The following SKIL variants were observed in gnomAD, a reference collection of about 807,000 sequenced individuals.
SKIL encodes the protein SKI like proto-oncogene.
In SKIL, 20 loss-of-function variants were observed where a neutral mutation model predicts 69.6. The ratio of observed to expected loss-of-function variants is 0.29; its 90% CI spans 0.20 to 0.42. The LOEUF (loss-of-function observed/expected upper bound fraction) is 0.42. SKIL is among the 10% of genes least tolerant of loss of function. The probability of loss-of-function intolerance (pLI) is 1.00; values close to 1 mark genes in which losing one functional copy is unlikely to be tolerated. For missense variants in SKIL, 745 were observed against 783.1 expected, an observed-to-expected ratio of 0.95 and a Z score of 0.58; for synonymous variants, 310 against 279.9, an observed-to-expected ratio of 1.11 and a Z score of -1.08.
At position 170,360,186 on chromosome 3, in the gene SKIL, T is replaced by G. The variant is rs1736152132; in HGVS notation, c.-146T>G. 1.3e-6 allele frequency: 1 copy of G among 758,734 alleles called. No individual in the cohort carries two copies. The highest frequency in any genetic ancestry group is 2.1e-6 in the Non-Finnish European group (1 of 481,774). The allele number at this position is 758,734 out of a possible 1,614,324, so 47.0% of individuals were successfully genotyped here. A position where few individuals can be genotyped will look rare whatever the true frequency, so the allele number is the denominator to read the frequency against. ...GAGAACCAAAACTAAGTCGCAAAAT[T>G]TATTAATTTAAGGGGCTCTCGCTTT... On this transcript the variant is annotated 5_prime_UTR_variant, in exon 2 of 7. It adds an upstream start codon to the 5' untranslated region. Transcript: ENST00000259119.
chr3:170,393,628 A>G lies in SKIL; in HGVS notation c.*1211A>G, dbSNP rs1339888917. The G allele has an allele frequency of 6.6e-6, 1 of 152,066 alleles. No homozygotes were observed. The highest frequency in any genetic ancestry group is 1.5e-5 in the Non-Finnish European group (1 of 67,974). 9.4% of individuals were successfully genotyped at this position (152,066 alleles called of 1,614,324 possible). ...GTCATTCTCTAATGGCAAATTTCATATTTGTTAATTCTTGGCTCAAAATAT... is the reference window on the plus strand; with the variant it reads ...GTCATTCTCTAATGGCAAATTTCATGTTTGTTAATTCTTGGCTCAAAATAT... On this transcript the variant is annotated 3_prime_UTR_variant, in exon 7 of 7. Transcript: ENST00000259119.
chr3:170,387,763 A>AAAAAAAAAAC (rs1475902825), intron 4 of SKIL, among the ~76,000 whole-genome samples: 1 of 131,076 alleles, frequency 7.6e-6, no homozygotes, highest in Admixed American at 8.1e-5. Flanking sequence ...CTCTACTAAA[A>AAAAAAAAAAC]AAAAAAAAAA....
At chr3:170,357,785 GCGA>G (rs1736005072) in intron 1 of SKIL, 22 bp downstream of exon 1, 1 of 162,350 alleles carries the variant, frequency 6.2e-6, no homozygotes, top group Non-Finnish European at 1.3e-5. Flanking sequence ...GCTTACGGCG[GCGA>G]CGCGGCGGAG....
At chr3:170,377,489 T>C (rs1737089020) in intron 2 of SKIL, among the ~76,000 whole-genome samples, 1 of 151,200 alleles carries the variant, frequency 6.6e-6, no homozygotes, top group Non-Finnish European at 1.5e-5. Flanking sequence ...TATTAATTTT[T>C]TTCTTATAAT....
intron 2 of SKIL, among the ~76,000 whole-genome samples, chr3:170,372,599 C>G (rs114231677): frequency 2.4e-3 from 362 of 152,258 alleles, no homozygotes; most frequent in African/African-American, 8.4e-3. Flanking sequence ...TTAAGGAAAC[C>G]TGATAGTGTA....
rs183931478 is a variant in SKIL at position 170,395,720 on chromosome 3, T to G, written c.*3303T>G. 6.6e-6 allele frequency: 1 copy of G among 152,238 alleles called. No homozygotes were observed. The highest frequency in any genetic ancestry group is 6.5e-5 in the Admixed American group (1 of 15,292). 9.4% of individuals were successfully genotyped at this position (152,238 alleles called of 1,614,324 possible). ...ATATGTTTTGATTACTTAGGGAAGATTCCTCATTTTTATTTGCCCTTTATG... is the reference window on the plus strand; with the variant it reads ...ATATGTTTTGATTACTTAGGGAAGAGTCCTCATTTTTATTTGCCCTTTATG... On this transcript the variant is annotated 3_prime_UTR_variant, in exon 7 of 7. Transcript: ENST00000259119.
In SKIL at chr3:170,395,187, C is replaced by T. The variant is rs1387067392; in HGVS notation, c.*2770C>T. On this transcript the variant is annotated 3_prime_UTR_variant, in exon 7 of 7. Coordinates refer to ENST00000259119, the MANE Select transcript of SKIL (RefSeq NM_005414.5). ...ACTTTATGAGAAAAGTGTACCTACT[C>T]TATAAAGGTAATAAATGTAAAACCT... is the stretch of plus-strand genomic sequence containing the variant. The T allele has an allele frequency of 6.6e-6, 1 of 152,048 alleles. No individual in the cohort carries two copies. The highest frequency in any genetic ancestry group is 2.4e-5 in the African/African-American group (1 of 41,380). 9.4% of individuals were successfully genotyped at this position (152,048 alleles called of 1,614,324 possible).
intron 4 of SKIL, among the ~76,000 whole-genome samples, chr3:170,389,942 A>C (rs2108225707): frequency 6.6e-6 from 1 of 152,322 alleles, no homozygotes; most frequent in East Asian, 1.9e-4. Flanking sequence ...TTGCACTGAT[A>C]AGTAGATCAA....
In SKIL at chr3:170,393,267, A is replaced by G. The variant is rs1035743570; in HGVS notation, c.*850A>G. On this transcript the variant is annotated 3_prime_UTR_variant, in exon 7 of 7. Coordinates refer to ENST00000259119, the MANE Select transcript of SKIL (RefSeq NM_005414.5). ...TCTATACAATCCATAATCCTCCTGT[A>G]CAGTTTTTACATGTAGTTATGAGTC... 4 of 152,178 alleles carry G rather than the reference A, an allele frequency of 2.6e-5. No individual in the cohort carries two copies. Among genetic ancestry groups the G allele is most frequent in the African/African-American group, 9.6e-5 (4 of 41,452 alleles). 9.4% of individuals were successfully genotyped at this position (152,178 alleles called of 1,614,324 possible). A position where few individuals can be genotyped will look rare whatever the true frequency, so the allele number is the denominator to read the frequency against.
At chr3:170,378,457 T>G (rs575657707) in intron 2 of SKIL, among the ~76,000 whole-genome samples, 1 of 152,198 alleles carries the variant, frequency 6.6e-6, no homozygotes, top group East Asian at 1.9e-4. Flanking sequence ...CAGTCCTTAG[T>G]TTCTTGGTTC....
chr3:170,382,910 G>T (rs1463870103), intron 3 of SKIL, among the ~76,000 whole-genome samples: 1 of 151,716 alleles, frequency 6.6e-6, no homozygotes, highest in African/African-American at 2.4e-5. Flanking sequence ...GAAGAGACGA[G>T]GTTTCACCAT....
rs548907545 is a variant in SKIL, at chr3:170,360,179, G to T, written c.-153G>T. 5.6e-6 allele frequency: 4 copies of T among 716,974 alleles called. No homozygotes were observed. The highest frequency in any genetic ancestry group is 3.2e-5 in the Admixed American group (1 of 31,488). 44.4% of individuals were successfully genotyped at this position (716,974 alleles called of 1,614,324 possible). Reference sequence around the variant, plus strand: ...TTATAAGGAGAACCAAAACTAAGTCGCAAAATTTATTAATTTAAGGGGCTC... The same window carrying T: ...TTATAAGGAGAACCAAAACTAAGTCTCAAAATTTATTAATTTAAGGGGCTC... On this transcript the variant is annotated 5_prime_UTR_variant, in exon 2 of 7. Transcript: ENST00000259119.
In SKIL at chr3:170,392,741, T is replaced by A. The variant is rs15709; in HGVS notation, c.*324T>A. The A allele has an allele frequency of 0.84, 135,554 of 160,634 alleles. 57,417 individuals carry two copies. Among genetic ancestry groups the A allele is most frequent in the East Asian group, 0.94 (5,383 of 5,712 alleles). The allele number at this position is 160,634 out of a possible 1,614,324, so 10.0% of individuals were successfully genotyped here. ...TACTTTTTAAAAGCTGCAATATGTGTTGGAAAATAGCTGTGGTCAATTTTG... is the reference window on the plus strand; with the variant it reads ...TACTTTTTAAAAGCTGCAATATGTGATGGAAAATAGCTGTGGTCAATTTTG... On this transcript the variant is annotated 3_prime_UTR_variant, in exon 7 of 7. Transcript: ENST00000259119.
At chr3:170,358,249 G>T (rs1366658870) in intron 1 of SKIL, among the ~76,000 whole-genome samples, 1 of 152,114 alleles carries the variant, frequency 6.6e-6, no homozygotes, top group Non-Finnish European at 1.5e-5. Flanking sequence ...GCGCTGAGGT[G>T]ACACCCGAGA....
At chr3:170,391,969 C>G (rs1737946695) in intron 6 of SKIL, among the ~76,000 whole-genome samples, 1 of 152,094 alleles carries the variant, frequency 6.6e-6, no homozygotes, top group East Asian at 1.9e-4. Context: ...ATTTAAGGAA[C>G]ATGAACAAAT....
intron 2 of SKIL, among the ~76,000 whole-genome samples, chr3:170,372,674 T>C (rs950368577): frequency 6.6e-6 from 1 of 152,180 alleles, no homozygotes; most frequent in South Asian, 2.1e-4. Flanking sequence ...TCTTTATACT[T>C]CTGAAATCAT....
At chr3:170,386,210 A>G (rs1475213469) in intron 4 of SKIL, among the ~76,000 whole-genome samples, 1 of 145,302 alleles carries the variant, frequency 6.9e-6, no homozygotes, top group African/African-American at 2.6e-5. Context: ...GGCTCACTGC[A>G]ATCTCCGCCT....
In SKIL at chr3:170,360,760, A is replaced by G. The variant is rs1736184890; in HGVS notation, c.429A>G (p.Glu143=). The G allele has an allele frequency of 6.2e-7, 1 of 1,614,030 alleles. No homozygotes were observed. The highest frequency in any genetic ancestry group is 1.6e-4 in the Middle Eastern group (1 of 6,062). The change falls in exon 2 of 7, where the codon GAA becomes GAG. Residue 143 remains glutamate, a synonymous_variant. Transcript: ENST00000259119. ...TCATCCCTTCAGATAGCTCCACAGA[A>G]CTCACTCAGACTGTGTTGGAAGGGG... ...PLLIPSDSST[E]LTQTVLEGES...
chr3:170,375,260 TAAAG>T (rs560943307), intron 2 of SKIL, among the ~76,000 whole-genome samples: 13 of 152,182 alleles, frequency 8.5e-5, no homozygotes, highest in Admixed American at 6.5e-4. Flanking sequence ...GGAAATAAAA[TAAAG>T]AATAGGAGCT....
Sources: allele counts gnomAD v4.1 joint callset (sites outside exome capture counted in the v4.1 genomes callset), GRCh38; gene constraint gnomAD v4.1.1; transcripts MANE v1.5; gene names NCBI Gene and HGNC (gene_info 2026-07-23, HGNC 2026-07-21).